Variants in PTPN14 observed in about 807,000 individuals in gnomAD.
PTPN14 encodes tyrosine-protein phosphatase non-receptor type 14.
In PTPN14, 53 loss-of-function variants were observed where a neutral mutation model predicts 126.8. The observed-to-expected ratio is 0.42, with a 90% CI of 0.34 to 0.53. The LOEUF (loss-of-function observed/expected upper bound fraction) is 0.53. Ranked by LOEUF, PTPN14 falls within the 20% of genes least tolerant of loss-of-function variation. The pLI, the probability that PTPN14 is intolerant of heterozygous loss-of-function variation, is 0.08. For missense variants in PTPN14, 1,257 were observed against 1,552.9 expected (o/e 0.81, Z 3.20); for synonymous variants, 630 against 599.3 (o/e 1.05, Z -0.75).
At chr1:214,458,139 T>C (rs1660426507) in intron 2 of PTPN14, among the ~76,000 whole-genome samples, 1 of 152,064 alleles carries the variant, frequency 6.6e-6, no homozygotes, top group African/African-American at 2.4e-5. Flanking sequence ...AGCCTCATTC[T>C]CCCGAGCTCA....
In PTPN14 at chr1:214,364,380, G is replaced by T; in HGVS notation, c.3435+132C>A. ...AATGTCAGAGTCAAACTAGGAACCAGGAGCCTGGAAAACTCTGGTTGGGAG... is the reference window on the plus strand; with the variant it reads ...AATGTCAGAGTCAAACTAGGAACCATGAGCCTGGAAAACTCTGGTTGGGAG... On this transcript the variant is annotated intron_variant, in intron 18 of 18. Transcript: ENST00000366956. This position sits in a 1 kb window ranked among gnomAD's most constrained non-coding sequence, Gnocchi z 4.1. The T allele has an allele frequency of 8.3e-7, 1 of 1,205,354 alleles. No individual in the cohort carries two copies. Among genetic ancestry groups the T allele is most frequent in the Non-Finnish European group, 1.2e-6 (1 of 868,584 alleles). The allele number at this position is 1,205,354 out of a possible 1,614,324, so 74.7% of individuals were successfully genotyped here.
In PTPN14 at chr1:214,369,575, A is replaced by G; in HGVS notation, c.3153T>C (p.Tyr1051=). 1 of 1,614,220 alleles carries G rather than the reference A, an allele frequency of 6.2e-7. No homozygotes were observed. The highest frequency in any genetic ancestry group is 8.5e-7 in the Non-Finnish European group (1 of 1,180,054). ...GCTTGACCTTCAAGCCCGTGGTTGC[A>G]TAGCAAACAGAATCCGTTCGAAACT... ...TTKFRTDSVC[Y]ATTGLKVKHL... is the part of the protein sequence containing the mutation. The change falls in exon 17 of 19, where the codon TAT becomes TAC. Residue 1051 remains tyrosine (Y), a synonymous_variant. Coordinates refer to ENST00000366956, the MANE Select transcript of PTPN14 (RefSeq NM_005401.5).
intron 1 of PTPN14, among the ~76,000 whole-genome samples, chr1:214,479,802 A>G (rs764370282): frequency 6.6e-6 from 1 of 152,178 alleles, no homozygotes; most frequent in African/African-American, 2.4e-5. Context: ...AATTCATTAT[A>G]AGAATATTGG....
At chr1:214,484,047 G>A (rs1661059566) in intron 1 of PTPN14, among the ~76,000 whole-genome samples, 1 of 152,180 alleles carries the variant, frequency 6.6e-6, no homozygotes, top group Admixed American at 6.5e-5. Flanking sequence ...CGTAGAATGG[G>A]TCTAGAAAAT....
intron 1 of PTPN14, among the ~76,000 whole-genome samples, chr1:214,485,052 A>G (rs1394533280): frequency 6.6e-6 from 1 of 152,244 alleles, no homozygotes; most frequent in Middle Eastern, 3.2e-3. Flanking sequence ...TCTTAGCAGT[A>G]AACAATAATC....
At chr1:214,502,483 G>A (rs979920533) in intron 1 of PTPN14, among the ~76,000 whole-genome samples, 2 of 152,128 alleles carry the variant, frequency 1.3e-5, no homozygotes, top group African/African-American at 2.4e-5. Flanking sequence ...GCAACACACA[G>A]CAGGTCTTGA....
At chr1:214,511,929 T>G (rs1216563445) in intron 1 of PTPN14, among the ~76,000 whole-genome samples, 1 of 152,132 alleles carries the variant, frequency 6.6e-6, no homozygotes, top group Non-Finnish European at 1.5e-5. Flanking sequence ...AATTCTCTGT[T>G]TGGCATCCAT....
chr1:214,497,902 A>G (rs977534121), intron 1 of PTPN14, among the ~76,000 whole-genome samples: 2 of 152,226 alleles, frequency 1.3e-5, no homozygotes, highest in Non-Finnish European at 2.9e-5. Flanking sequence ...CAATTTCATT[A>G]GAAACACACA....
At chr1:214,533,287 G>A (rs1655601970) in intron 1 of PTPN14, 1 of 593,486 alleles carries the variant, frequency 1.7e-6, no homozygotes, top group African/African-American at 1.8e-5. Context: ...GAACATCAAG[G>A]CCAAGCTGGA....
chr1:214,443,650 T>A (rs1660081587), intron 3 of PTPN14, among the ~76,000 whole-genome samples: 1 of 152,070 alleles, frequency 6.6e-6, no homozygotes, highest in Non-Finnish European at 1.5e-5. Flanking sequence ...GTTACTTAAT[T>A]TGCAGAGTCT....
At chr1:214,524,303 A>C (rs1251183610) in intron 1 of PTPN14, among the ~76,000 whole-genome samples, 1 of 152,122 alleles carries the variant, frequency 6.6e-6, no homozygotes, top group Non-Finnish European at 1.5e-5. Flanking sequence ...TTTTGAAACT[A>C]CTTCTATATG....
chr1:214,396,070 G>A (rs1299740502), intron 8 of PTPN14, among the ~76,000 whole-genome samples: 1 of 152,112 alleles, frequency 6.6e-6, no homozygotes, highest in East Asian at 1.9e-4. Flanking sequence ...CTTCGTTTCT[G>A]TGTTCCAAGC....
chr1:214,393,871 C>G, intron 9 of PTPN14, 94 bp from the exon 10 acceptor site: 1 of 1,000,106 alleles, frequency 1.0e-6, no homozygotes, highest in South Asian at 1.4e-5. Context: ...CACATCCCTT[C>G]CAACCTTCAT....
intron 1 of PTPN14, among the ~76,000 whole-genome samples, chr1:214,523,222 C>T (rs181948270): frequency 4.6e-5 from 7 of 152,278 alleles, no homozygotes; most frequent in Admixed American, 3.9e-4. Context: ...AGAAACACAT[C>T]CACTTCCCCA....
intron 1 of PTPN14, among the ~76,000 whole-genome samples, chr1:214,484,196 G>C (rs1027409114): frequency 2.0e-5 from 3 of 152,176 alleles, no homozygotes; most frequent in Non-Finnish European, 4.4e-5. Context: ...TTGAGCCCAG[G>C]AGTTCAAGAC....
chr1:214,411,596 A>G, intron 5 of PTPN14, 88 bp downstream of exon 5: 2 of 977,872 alleles, frequency 2.0e-6, no homozygotes, highest in Non-Finnish European at 3.1e-6. Context: ...GGGAATATGC[A>G]TATGTAAAAT....
intron 3 of PTPN14, among the ~76,000 whole-genome samples, chr1:214,433,029 G>A (rs1659829239): frequency 6.6e-6 from 1 of 152,012 alleles, no homozygotes; most frequent in Admixed American, 6.6e-5. Flanking sequence ...TCAGCCTCCT[G>A]AGTAGCTAGG....
At chr1:214,380,637 G>A (rs1160068867) in intron 13 of PTPN14, among the ~76,000 whole-genome samples, 2 of 152,108 alleles carry the variant, frequency 1.3e-5, no homozygotes, top group African/African-American at 4.8e-5. Flanking sequence ...TGCACACCCC[G>A]CCAGCCCCTG....
chr1:214,413,237 C>A (rs1295834775), intron 4 of PTPN14, among the ~76,000 whole-genome samples: 1 of 152,174 alleles, frequency 6.6e-6, no homozygotes. Context: ...TATTGATCTT[C>A]TCCATTATTT....
Sources: allele counts gnomAD v4.1 joint callset (sites outside exome capture counted in the v4.1 genomes callset), GRCh38; gene constraint gnomAD v4.1.1; non-coding constraint Gnocchi (gnomAD v3.1); transcripts MANE v1.5; gene names NCBI Gene and HGNC (gene_info 2026-07-23, HGNC 2026-07-21).